Variants in UBE2U observed in about 807,000 individuals in gnomAD.
UBE2U encodes ubiquitin conjugating enzyme E2 U, also known as ubiquitin-conjugating enzyme E2 U.
In UBE2U, 39 loss-of-function variants were observed where a neutral mutation model predicts 41.2. That is an observed-to-expected ratio of 0.95 (90% CI 0.73 to 1.24). UBE2U has a LOEUF of 1.24. Ranked by LOEUF, UBE2U falls within the 50% of genes most tolerant of loss-of-function variation. The pLI is 0.00. For missense variants in UBE2U, 336 were observed against 363.1 expected (o/e 0.93, Z 0.61); for synonymous variants, 107 against 117.8 (o/e 0.91, Z 0.60).
At chr1:64,228,476 AAGG>A (rs1419550613) in intron 6 of UBE2U, among the ~76,000 whole-genome samples, 12 of 152,082 alleles carry the variant, frequency 7.9e-5, no homozygotes, top group African/African-American at 1.9e-4. Context: ...GCTTTCACAG[AAGG>A]AGGAGTGTAA....
chr1:64,225,567 A>C (rs1652809235), intron 6 of UBE2U, among the ~76,000 whole-genome samples: 2 of 152,242 alleles, frequency 1.3e-5, no homozygotes, highest in Admixed American at 6.5e-5. Context: ...TAGTTTGTGA[A>C]GGATCTAAGG....
intron 8 of UBE2U, among the ~76,000 whole-genome samples, chr1:64,251,277 G>C (rs1645006906): frequency 6.6e-6 from 1 of 151,264 alleles, no homozygotes; most frequent in Non-Finnish European, 1.5e-5. Flanking sequence ...ACTTGGTCAG[G>C]ATTAATTATG....
chr1:64,216,828 G>C (rs929715161), intron 5 of UBE2U, among the ~76,000 whole-genome samples: 4 of 152,230 alleles, frequency 2.6e-5, no homozygotes, highest in African/African-American at 9.6e-5. Flanking sequence ...CTCAAACCCA[G>C]TGTGGAGGTC....
At chr1:64,225,323 A>G (rs1177253269) in intron 6 of UBE2U, among the ~76,000 whole-genome samples, 3 of 152,234 alleles carry the variant, frequency 2.0e-5, no homozygotes, top group African/African-American at 7.2e-5. Flanking sequence ...AATCAGTAAG[A>G]AGGCTGCTGT....
At position 64,216,346 on chromosome 1, in the gene UBE2U, T is replaced by C. The variant is rs1274102738; in HGVS notation, c.457+1414T>C. 2.0e-5 allele frequency among the ~76,000 whole-genome samples: 3 copies of C among 152,336 alleles called. No homozygotes were observed. In the South Asian group the frequency reaches 6.2e-4, roughly 32 times the overall value. ...GGTGGGCTTTCATCTGGAATACCAG[T>C]AGGCTCCACTTGGAACCTCACATTT... On this transcript the variant is annotated intron_variant, in intron 5 of 9. Coordinates refer to ENST00000371077, the MANE Select transcript of UBE2U (RefSeq NM_001366232.2).
intron 2 of UBE2U, 86 bp downstream of exon 2, chr1:64,205,806 C>A: frequency 9.6e-7 from 1 of 1,037,020 alleles, no homozygotes; most frequent in Non-Finnish European, 1.4e-6. Context: ...GATAAGGTCG[C>A]ATTATATAAA....
chr1:64,239,157 A>AAGAAGGAGAAGAAGAAGGAGAAG, intron 7 of UBE2U, among the ~76,000 whole-genome samples: 7 of 37,070 alleles, frequency 1.9e-4, no homozygotes, highest in African/African-American at 5.9e-4. Flanking sequence ...GAAGAAGAAG[A>AAGAAGGAGAAGAAGAAGGAGAAG]AAGAAGAAGA....
chr1:64,220,877 A>T lies in UBE2U; in HGVS notation c.476A>T (p.Glu159Val). 2 of 1,606,800 alleles carry T rather than the reference A, an allele frequency of 1.2e-6. No homozygotes were observed. The highest frequency in any genetic ancestry group is 2.2e-5 in the East Asian group (1 of 44,646). ...RPLQMKDDSQ[E>V]LPKDPRKCIR... The stretch of plus-strand genomic sequence containing the variant: ...TTTATAGTGAAAGATGACAGCCAGG[A>T]GTTACCTAAAGACCCACGTAAATGT... The change falls in exon 6 of 10, where the codon GAG becomes GTG. Residue 159 changes from glutamate (E) to valine (V), a missense_variant. Physicochemically the swap from Glu to Val is moderately radical, Grantham distance 121. Transcript: ENST00000371077.
At chr1:64,266,444 G>C (rs190842024) in intron 9 of UBE2U, among the ~76,000 whole-genome samples, 1 of 152,120 alleles carries the variant, frequency 6.6e-6, no homozygotes, top group Non-Finnish European at 1.5e-5. Context: ...TTCCTCATCT[G>C]TAAAATAAGA....
At chr1:64,247,923 C>T (rs991321515) in intron 8 of UBE2U, among the ~76,000 whole-genome samples, 1 of 151,684 alleles carries the variant, frequency 6.6e-6, no homozygotes, top group Non-Finnish European at 1.5e-5. Flanking sequence ...CCTCCTCTCT[C>T]GCCTGTGACC....
chr1:64,239,095 A>G (rs1422633131), intron 7 of UBE2U, among the ~76,000 whole-genome samples: 2 of 13,012 alleles, frequency 1.5e-4, no homozygotes, highest in South Asian at 5.7e-3. Context: ...AGGAAGAGGA[A>G]GAAGAAGAAG....
At chr1:64,238,950 G>A (rs111895833) in intron 7 of UBE2U, among the ~76,000 whole-genome samples, 1 of 151,746 alleles carries the variant, frequency 6.6e-6, no homozygotes, top group African/African-American at 2.4e-5. Context: ...GCTTGAGTGG[G>A]AAGATCCCTT....
intron 4 of UBE2U, 52 bp from the exon 5 acceptor site, chr1:64,214,763 C>T: frequency 1.4e-6 from 2 of 1,449,586 alleles, no homozygotes; most frequent in Non-Finnish European, 1.9e-6. Context: ...TGTCGTTTTG[C>T]TCTAAAAAAA....
At chr1:64,206,439 A>C (rs1287879134) in intron 2 of UBE2U, among the ~76,000 whole-genome samples, 1 of 151,718 alleles carries the variant, frequency 6.6e-6, no homozygotes, top group Non-Finnish European at 1.5e-5. Flanking sequence ...CAGCACAGCA[A>C]AGACTTGTAG....
intron 8 of UBE2U, among the ~76,000 whole-genome samples, chr1:64,257,641 A>T (rs943443794): frequency 6.6e-6 from 1 of 152,194 alleles, no homozygotes; most frequent in Non-Finnish European, 1.5e-5. Flanking sequence ...GATGGAGAGC[A>T]TCAGGAAGAA....
At chr1:64,262,314 T>C (rs1354451166) in intron 9 of UBE2U, among the ~76,000 whole-genome samples, 1 of 152,232 alleles carries the variant, frequency 6.6e-6, no homozygotes, top group African/African-American at 2.4e-5. Flanking sequence ...CATTGAATGG[T>C]TTAAAACAAC....
In UBE2U at chr1:64,210,803, A is replaced by G; in HGVS notation, c.303A>G (p.Thr101=). 6.2e-7 allele frequency: 1 copy of G among 1,607,994 alleles called. No individual in the cohort carries two copies. The highest frequency in any genetic ancestry group is 1.1e-5 in the South Asian group (1 of 90,198). The part of the protein sequence containing the change: ...DFLDNPEKWN[T]NYTLSSILLA... ...TGGACAACCCTGAGAAGTGGAATAC[A>G]AACTATACATTGAGCAGCATCTTAC... Residue 101 remains threonine (T), a synonymous_variant, in exon 4 of 10, where the codon ACA becomes ACG. Transcript: ENST00000371077.
At chr1:64,241,831 G>A in intron 8 of UBE2U, 98 bp downstream of exon 8, 1 of 848,442 alleles carries the variant, frequency 1.2e-6, no homozygotes. Context: ...AGAAACCCTT[G>A]GAAATAACAA....
chr1:64,214,312 A>G (rs1651843980), intron 4 of UBE2U, among the ~76,000 whole-genome samples: 1 of 152,158 alleles, frequency 6.6e-6, no homozygotes, highest in African/African-American at 2.4e-5. Context: ...ATTTAATTTT[A>G]ATTATTTTAA....
Sources: gnomAD v4.1 joint callset for allele counts (sites outside exome capture counted in the v4.1 genomes callset) on GRCh38, gnomAD v4.1.1 for gene constraint, MANE v1.5 for transcripts, NCBI Gene and HGNC (gene_info 2026-07-23, HGNC 2026-07-21) for gene names.